The following KANSL3 variants were observed in gnomAD, a reference collection of about 807,000 sequenced individuals.
KANSL3 encodes KAT8 regulatory NSL complex subunit 3, also known as NSL complex protein NSL3.
In KANSL3, 16 loss-of-function variants were observed where a neutral mutation model predicts 89.2. The observed-to-expected ratio is 0.18, with a 90% CI of 0.12 to 0.27. KANSL3 has a LOEUF of 0.27. KANSL3 is among the 10% of genes least tolerant of loss of function. KANSL3 has a pLI of 1.00. For synonymous variants in KANSL3, 385 were observed against 419.7 expected (o/e 0.92, Z 1.01); for missense variants, 879 against 1,110.6 (o/e 0.79, Z 2.96).
Position 96,611,074 on chromosome 2 carries a change from C to T in KANSL3, c.1151G>A (p.Gly384Asp). ...TTACCACATTCTTACCCCTCTGGGG[C>T]CATCCACAGTAAGCAGAGGAAACCC... ...CLGFPLLTVD[G>D]PRGDVDDPLL... The change falls in exon 10 of 21, where the codon GGC becomes GAC. Residue 384 changes from glycine to aspartate, a missense_variant. Coordinates refer to ENST00000431828, the MANE Select transcript of KANSL3 (RefSeq NM_001115016.3). 1 of 1,613,894 alleles carries T rather than the reference C, an allele frequency of 6.2e-7. No homozygotes were observed. The highest frequency in any genetic ancestry group is 8.5e-7 in the Non-Finnish European group (1 of 1,179,764).
At position 96,609,523 on chromosome 2, in the gene KANSL3, C is replaced by T; in HGVS notation, c.1359G>A (p.Gln453=). The T allele has an allele frequency of 6.2e-7, 1 of 1,613,974 alleles. No individual in the cohort carries two copies. Among genetic ancestry groups the T allele is most frequent in the Non-Finnish European group, 8.5e-7 (1 of 1,179,854 alleles). The change falls in exon 12 of 21, where the codon CAG becomes CAA. Residue 453 remains glutamine, a synonymous_variant. Transcript: ENST00000431828. ...CCTGAATACATCTGTCCACCATGCT[C>T]TGAGTCAACCCTTCTGATTTCTTCT... ...KAKKKSEGLT[Q]SMVDRCIQDE...
Position 96,610,855 on chromosome 2 carries a change from T to C in KANSL3, c.1190A>G (p.Lys397Arg). ...ACCAATGACAAAGAGGACTGGAGTC[T>C]TCATATCCAAGAGGGGATCATCTAC... Reference protein sequence around the residue: ...GDVDDPLLDMKTPVLFVIGQN... With the variant: ...GDVDDPLLDMRTPVLFVIGQN... The change falls in exon 11 of 21, where the codon AAG (lysine) becomes AGG (arginine). Residue 397 changes from lysine to arginine, a missense_variant. By Grantham distance (26) the Lys-to-Arg change is conservative (BLOSUM62 2). Around this residue, in one of 6 missense-constraint regions of KANSL3, gnomAD observed 198 missense variants for 260.3 expected, o/e 0.76. Coordinates refer to ENST00000431828, the MANE Select transcript of KANSL3 (RefSeq NM_001115016.3). 3 of 1,613,964 alleles carry C rather than the reference T, an allele frequency of 1.9e-6. No individual in the cohort carries two copies. Among genetic ancestry groups the C allele is most frequent in the South Asian group, 1.1e-5 (1 of 91,082 alleles).
chr2:96,604,132 C>A, intron 17 of KANSL3, 118 bp downstream of exon 17: 1 of 1,219,182 alleles, frequency 8.2e-7, no homozygotes, highest in Non-Finnish European at 1.1e-6. Flanking sequence ...TATGATCACT[C>A]TAAGACCCAG....
chr2:96,618,874 C>T (rs1340423044), intron 5 of KANSL3, among the ~76,000 whole-genome samples: 1 of 152,204 alleles, frequency 6.6e-6, no homozygotes, highest in Non-Finnish European at 1.5e-5. Context: ...AAGCAGGGAA[C>T]TATAATGATA....
chr2:96,600,494 A>C, intron 20 of KANSL3: 1 of 985,448 alleles, frequency 1.0e-6, no homozygotes, highest in Non-Finnish European at 1.2e-6. Flanking sequence ...ACCTCTGTGC[A>C]GTATTTTCCC....
At chr2:96,582,167 A>G in the KANSL3 span, among the ~76,000 whole-genome samples, 1 of 152,280 alleles carries the variant, frequency 6.6e-6, no homozygotes, top group East Asian at 1.9e-4. Context: ...AGACGGGCGG[A>G]TGACTTGAGG....
At position 96,594,705 on chromosome 2, in the gene KANSL3, T is replaced by A. The variant is rs2104798959; in HGVS notation, c.*906A>T. The stretch of plus-strand genomic sequence containing the variant: ...TCTCTGACTTGGCAAATTCTTCTTT[T>A]TATCTCCAGCTGAACCACCAGTTCC... On this transcript the variant is annotated 3_prime_UTR_variant, in exon 21 of 21. Transcript: ENST00000431828. 6.6e-6 allele frequency: 1 copy of A among 152,450 alleles called. No homozygotes were observed. The highest frequency in any genetic ancestry group is 2.4e-5 in the African/African-American group (1 of 41,586). The allele number at this position is 152,450 out of a possible 1,614,324, so 9.4% of individuals were successfully genotyped here. A position where few individuals can be genotyped will look rare whatever the true frequency, so the allele number is the denominator to read the frequency against.
At chr2:96,597,836 C>T (rs2066685397) in intron 20 of KANSL3, among the ~76,000 whole-genome samples, 1 of 152,110 alleles carries the variant, frequency 6.6e-6, no homozygotes, top group Non-Finnish European at 1.5e-5. Context: ...CTCTTGACCT[C>T]GTGATCCACC....
chr2:96,607,142 T>C (rs1013722381), intron 14 of KANSL3: 18 of 580,158 alleles, frequency 3.1e-5, no homozygotes, highest in Non-Finnish European at 4.8e-5. Context: ...AAATGGCCAA[T>C]AGGGGCTCCT....
At chr2:96,632,259 GAAGTTC>G (rs2073518239) in intron 2 of KANSL3, among the ~76,000 whole-genome samples, 1 of 152,094 alleles carries the variant, frequency 6.6e-6, no homozygotes, top group Non-Finnish European at 1.5e-5. Context: ...TTTAAGCCCA[GAAGTTC>G]AAGACCAGTT....
In KANSL3 at chr2:96,611,133, T is replaced by C; in HGVS notation, c.1092A>G (p.Ser364=). 1.2e-6 allele frequency: 2 copies of C among 1,613,676 alleles called. No individual in the cohort carries two copies. The highest frequency in any genetic ancestry group is 8.5e-7 in the Non-Finnish European group (1 of 1,179,554). Residue 364 remains serine (S), a synonymous_variant, in exon 10 of 21, where the codon TCA becomes TCG. Transcript: ENST00000431828. ...CAACTGCAGTGACATACTCCATTACTGACACCTGTAAATAACAGAACAGTT... is the reference window on the plus strand; with the variant it reads ...CAACTGCAGTGACATACTCCATTACCGACACCTGTAAATAACAGAACAGTT... The part of the protein sequence containing the change: ...NTGALVACHV[S]VMEYVTAVVC...
Position 96,615,627 on chromosome 2 carries a change from T to C in KANSL3, c.664-2008A>G. ...TTTTGAAAAATTGGAGAATAAAAAG[T>C]ACTACGGTTTGATGCAAGTTGTAAA... On this transcript the variant is annotated intron_variant, in intron 5 of 20. Coordinates refer to ENST00000431828, the MANE Select transcript of KANSL3 (RefSeq NM_001115016.3). The C allele has an allele frequency of 5.0e-6, 3 of 598,410 alleles. No homozygotes were observed. In the South Asian group the frequency reaches 5.1e-5, roughly 10 times the overall value. The allele number at this position is 598,410 out of a possible 1,614,324, so 37.1% of individuals were successfully genotyped here.
chr2:96,596,345 C>A (rs955730915), intron 20 of KANSL3, among the ~76,000 whole-genome samples: 3 of 152,184 alleles, frequency 2.0e-5, no homozygotes, highest in African/African-American at 7.2e-5. Context: ...CTGCTTGAGC[C>A]CAGAAGTTTA....
chr2:96,638,157 C>A (rs2074531981), intron 1 of KANSL3, 126 bp downstream of exon 1: 2 of 151,836 alleles, frequency 1.3e-5, no homozygotes, highest in Non-Finnish European at 1.5e-5. Context: ...CACCGGCAGC[C>A]GGCCCTAGCC....
intron 5 of KANSL3, among the ~76,000 whole-genome samples, chr2:96,616,505 GAA>G (rs2070141326): frequency 6.6e-6 from 1 of 152,188 alleles, no homozygotes; most frequent in Non-Finnish European, 1.5e-5. Context: ...ATCTAATAGT[GAA>G]AGTAGCTGGG....
chr2:96,591,153 C>T (rs753729116), downstream of KANSL3, among the ~76,000 whole-genome samples: 27 of 152,142 alleles, frequency 1.8e-4, no homozygotes, highest in Non-Finnish European at 2.6e-4. Context: ...TGAAATACCA[C>T]TCAGCAATAA....
At position 96,594,957 on chromosome 2, in the gene KANSL3, A is replaced by C. The variant is rs981410622; in HGVS notation, c.*654T>G. 1 of 152,288 alleles carries C rather than the reference A, an allele frequency of 6.6e-6. No homozygotes were observed. Among genetic ancestry groups the C allele is most frequent in the East Asian group, 1.9e-4 (1 of 5,198 alleles). 9.4% of individuals were successfully genotyped at this position (152,288 alleles called of 1,614,324 possible). A position where few individuals can be genotyped will look rare whatever the true frequency, so the allele number is the denominator to read the frequency against. On this transcript the variant is annotated 3_prime_UTR_variant, in exon 21 of 21. Coordinates refer to ENST00000431828, the MANE Select transcript of KANSL3 (RefSeq NM_001115016.3). ...TAAGTCAAAGAGGCTGAAAGATGAC[A>C]GCCTAGTTCTCTTTGCCTTCATTAT... is the stretch of plus-strand genomic sequence containing the variant.
At chr2:96,584,298 G>A in the KANSL3 span, among the ~76,000 whole-genome samples, 2 of 152,132 alleles carry the variant, frequency 1.3e-5, no homozygotes, top group African/African-American at 2.4e-5. Context: ...TTACAGGCAT[G>A]AGCCACTGCA....
rs759529862 is a variant in KANSL3, at chr2:96,636,972, C to T, written c.164G>A (p.Arg55His). The T allele has an allele frequency of 5.2e-6, 8 of 1,550,016 alleles. No individual in the cohort carries two copies. In the South Asian group the frequency reaches 7.2e-5, roughly 14 times the overall value. ...AGTGACAAAGAGCATGCGGGTGGGGCGGGCACTACTGGCATCTGGGTGGGC... is the reference window on the plus strand; with the variant it reads ...AGTGACAAAGAGCATGCGGGTGGGGTGGGCACTACTGGCATCTGGGTGGGC... ...WSAHPDASSA[R>H]PTRMLFVTPR... The change falls in exon 2 of 21, where the codon CGC (arginine) becomes CAC (histidine). Residue 55 changes from arginine to histidine, a missense_variant. By Grantham distance (29) the Arg-to-His change is conservative (BLOSUM62 0). Around this residue, in one of 6 missense-constraint regions of KANSL3, gnomAD observed 210 missense variants for 311.9 expected, o/e 0.67. Coordinates refer to ENST00000431828, the MANE Select transcript of KANSL3 (RefSeq NM_001115016.3).
Sources: gnomAD v4.1 joint callset for allele counts (sites outside exome capture counted in the v4.1 genomes callset) on GRCh38, gnomAD v4.1.1 for gene constraint, gnomAD v4.1.1 regional missense constraint, MANE v1.5 for transcripts, NCBI Gene and HGNC (gene_info 2026-07-23, HGNC 2026-07-21) for gene names.